CACHD1: variants seen among roughly 807,000 people sequenced by gnomAD.
The protein encoded by CACHD1 is VWFA and cache domain-containing protein 1.
In CACHD1, 71 loss-of-function variants were observed where a neutral mutation model predicts 138.7. That is an observed-to-expected ratio of 0.51 (90% CI 0.42 to 0.62). The LOEUF (loss-of-function observed/expected upper bound fraction) is 0.62, where lower values mean the gene tolerates loss of function less well. Among genes scored for constraint, CACHD1 ranks in the 20% least tolerant of loss-of-function variants. The pLI, the probability that CACHD1 is intolerant of heterozygous loss-of-function variation, is 0.00. For missense variants in CACHD1, 1,389 were observed against 1,625.3 expected, an observed-to-expected ratio of 0.85 and a Z score of 2.50; for synonymous variants, 578 against 591.5, an observed-to-expected ratio of 0.98 and a Z score of 0.33.
At chr1:64,532,701 C>T (rs1013951667) in intron 1 of CACHD1, among the ~76,000 whole-genome samples, 1 of 152,130 alleles carries the variant, frequency 6.6e-6, no homozygotes, top group Admixed American at 6.5e-5. Context: ...TGGGGTTTTA[C>T]TGTGAATTCA....
intron 1 of CACHD1, among the ~76,000 whole-genome samples, chr1:64,540,715 T>C (rs781110365): frequency 5.3e-5 from 8 of 152,206 alleles, no homozygotes; most frequent in African/African-American, 1.7e-4. Flanking sequence ...CTCTTCTCGC[T>C]GAGATGATTG....
chr1:64,619,156 T>C (rs778230403), intron 4 of CACHD1, among the ~76,000 whole-genome samples: 3 of 152,046 alleles, frequency 2.0e-5, no homozygotes, highest in Non-Finnish European at 4.4e-5. Context: ...TAGATGTAGA[T>C]GGTGAAATTG....
At chr1:64,597,937 A>G (rs928959329) in intron 3 of CACHD1, among the ~76,000 whole-genome samples, 1 of 152,178 alleles carries the variant, frequency 6.6e-6, no homozygotes, top group African/African-American at 2.4e-5. Context: ...TATTTCTCAC[A>G]TTCTCCAAAT....
intron 14 of CACHD1, 32 bp from the exon 15 acceptor site, chr1:64,664,466 G>A (rs1416767746): frequency 3.7e-6 from 6 of 1,604,766 alleles, no homozygotes; most frequent in Non-Finnish European, 5.1e-6. Context: ...GAGTTTTAAA[G>A]GATCCCTGCT....
chr1:64,565,566 A>G (rs532531768), intron 2 of CACHD1, among the ~76,000 whole-genome samples: 1 of 152,276 alleles, frequency 6.6e-6, no homozygotes, highest in Non-Finnish European at 1.5e-5. Flanking sequence ...AAAAGAAGCT[A>G]ATTTTTATCA....
chr1:64,476,674 T>G (rs1646176218), intron 1 of CACHD1, among the ~76,000 whole-genome samples: 1 of 152,254 alleles, frequency 6.6e-6, no homozygotes, highest in Admixed American at 6.5e-5. Context: ...TGACTTCTGA[T>G]AAACTGTCTC....
chr1:64,641,727 A>C (rs1648720446), intron 7 of CACHD1, 93 bp from the exon 8 acceptor site: 10 of 936,652 alleles, frequency 1.1e-5, no homozygotes, highest in Non-Finnish European at 1.6e-5. Context: ...CAAGTCCTCG[A>C]GGTGGGGAAG....
intron 16 of CACHD1, among the ~76,000 whole-genome samples, chr1:64,667,185 A>T (rs976500246): frequency 6.6e-6 from 1 of 152,176 alleles, no homozygotes; most frequent in Non-Finnish European, 1.5e-5. Flanking sequence ...CATTATACAA[A>T]TAGCTATTTT....
rs1646690027 is a variant in CACHD1, at chr1:64,543,105, A to G, written c.199-7489A>G. Among the ~76,000 whole-genome samples, 3 of 151,954 alleles carry G rather than the reference A, an allele frequency of 2.0e-5. No individual in the cohort carries two copies. The South Asian group carries it at 6.2e-4, about 32-fold the overall frequency. ...TAAACATGCTTTTAATAGCTGCACAATGTTTTTGATTGGATGAAGAGTCTT... is the reference window on the plus strand; with the variant it reads ...TAAACATGCTTTTAATAGCTGCACAGTGTTTTTGATTGGATGAAGAGTCTT... On this transcript the variant is annotated intron_variant, in intron 1 of 26. Coordinates refer to ENST00000651257, the MANE Select transcript of CACHD1 (RefSeq NM_020925.4).
intron 1 of CACHD1, among the ~76,000 whole-genome samples, chr1:64,485,156 G>A (rs1306740021): frequency 1.3e-5 from 2 of 152,074 alleles, no homozygotes; most frequent in East Asian, 3.9e-4. Context: ...TGGTTTATTT[G>A]TTTTACAGTA....
chr1:64,666,833 C>T (rs12240194), intron 16 of CACHD1, among the ~76,000 whole-genome samples: 30,156 of 127,700 alleles, frequency 0.24, 5,508 homozygotes, highest in East Asian at 0.72. Context: ...TGGGTGACAG[C>T]GTGAGATCCT....
chr1:64,627,094 C>G (rs973953018), intron 4 of CACHD1, among the ~76,000 whole-genome samples: 1 of 152,104 alleles, frequency 6.6e-6, no homozygotes, highest in African/African-American at 2.4e-5. Context: ...AGACTGGAAG[C>G]AAGGCCTGTC....
intron 3 of CACHD1, among the ~76,000 whole-genome samples, chr1:64,594,448 A>G (rs966782666): frequency 6.6e-6 from 1 of 152,122 alleles, no homozygotes; most frequent in Non-Finnish European, 1.5e-5. Flanking sequence ...AGGTAACTAG[A>G]TGACCCTCCA....
chr1:64,607,669 T>C (rs145700190), intron 4 of CACHD1, among the ~76,000 whole-genome samples: 2 of 152,296 alleles, frequency 1.3e-5, no homozygotes, highest in African/African-American at 4.8e-5. Context: ...AGGTAAGAGA[T>C]ACTGCATCAC....
At chr1:64,497,522 A>G (rs1646312647) in intron 1 of CACHD1, among the ~76,000 whole-genome samples, 1 of 152,164 alleles carries the variant, frequency 6.6e-6, no homozygotes, top group Non-Finnish European at 1.5e-5. Flanking sequence ...AATTAATGTG[A>G]TGGTTATGAG....
chr1:64,585,037 A>G (rs1647041186), intron 3 of CACHD1, among the ~76,000 whole-genome samples: 1 of 152,218 alleles, frequency 6.6e-6, no homozygotes, highest in South Asian at 2.1e-4. Flanking sequence ...AAACATGTAA[A>G]GAAAAATACC....
intron 1 of CACHD1, among the ~76,000 whole-genome samples, chr1:64,485,743 GC>G (rs1646238448): frequency 6.6e-6 from 1 of 152,020 alleles, no homozygotes; most frequent in Admixed American, 6.5e-5. Flanking sequence ...ATCATGCCTG[GC>G]TAATTTTTGT....
At chr1:64,570,490 A>G (rs1238184692) in intron 2 of CACHD1, among the ~76,000 whole-genome samples, 1 of 152,142 alleles carries the variant, frequency 6.6e-6, no homozygotes, top group Non-Finnish European at 1.5e-5. Context: ...CATGCATGTC[A>G]GGCCTACCAT....
intron 1 of CACHD1, among the ~76,000 whole-genome samples, chr1:64,474,984 A>T (rs1646166143): frequency 6.6e-6 from 1 of 152,190 alleles, no homozygotes; most frequent in Admixed American, 6.5e-5. Flanking sequence ...AGAAGCAAGA[A>T]CTGGAGCTTC....
Sources: gnomAD v4.1 joint callset for allele counts (sites outside exome capture counted in the v4.1 genomes callset) on GRCh38, gnomAD v4.1.1 for gene constraint, MANE v1.5 for transcripts, NCBI Gene and HGNC (gene_info 2026-07-23, HGNC 2026-07-21) for gene names.